FAAH2: variants seen among roughly 807,000 people sequenced by gnomAD.
FAAH2 encodes fatty-acid amide hydrolase 2.
Under a neutral mutation model 36.9 loss-of-function variants are expected in FAAH2, and 60 were observed. The observed-to-expected ratio is 1.63, with a 90% CI of 1.32 to 2.02. FAAH2 has a LOEUF of 2.02. Ranked by LOEUF, FAAH2 falls within the 30% of genes most tolerant of loss-of-function variation. FAAH2 has a pLI of 0.00. For missense variants in FAAH2, 689 were observed against 397.5 expected (o/e 1.73, Z -6.23); for synonymous variants, 214 against 143.8 (o/e 1.49, Z -3.49).
chrX:57,122,266 T>C, the FAAH2 span, among the ~76,000 whole-genome samples: 2 of 112,025 alleles, frequency 1.8e-5, no homozygotes, highest in African/African-American at 6.5e-5. Flanking sequence ...AATTCATGTC[T>C]ATTAATTTTT....
At chrX:57,224,471 C>T in the FAAH2 span, among the ~76,000 whole-genome samples, 1 of 111,300 alleles carries the variant, frequency 9.0e-6, no homozygotes, top group South Asian at 3.8e-4. Context: ...GGCCTGAAAG[C>T]TTAAGGAGAT....
intron 2 of FAAH2, among the ~76,000 whole-genome samples, chrX:57,308,780 C>T (rs755500834): frequency 1.3e-4 from 14 of 111,224 alleles, no homozygotes; most frequent in Non-Finnish European, 2.5e-4. Flanking sequence ...TAGAAACTTC[C>T]AACAGTTCTT....
chrX:57,232,736 A>C, the FAAH2 span, among the ~76,000 whole-genome samples: 1 of 112,149 alleles, frequency 8.9e-6, no homozygotes, highest in Non-Finnish European at 1.9e-5. Flanking sequence ...GTTTTCTTCT[A>C]ACTCTTAGAA....
intron 3 of FAAH2, among the ~76,000 whole-genome samples, chrX:57,331,050 G>A (rs764995222): frequency 9.0e-6 from 1 of 111,027 alleles, no homozygotes; most frequent in Non-Finnish European, 1.9e-5. Flanking sequence ...CAGATTTCAG[G>A]TCTGACAGTT....
the FAAH2 span, among the ~76,000 whole-genome samples, chrX:57,178,445 G>T: frequency 9.0e-6 from 1 of 111,658 alleles, no homozygotes; most frequent in Admixed American, 9.5e-5. Flanking sequence ...AGTGGTATTT[G>T]TTCTTGTTCT....
At chrX:57,458,927 T>G (rs1054356932) in intron 10 of FAAH2, among the ~76,000 whole-genome samples, 2 of 111,949 alleles carry the variant, frequency 1.8e-5, no homozygotes, top group African/African-American at 6.5e-5. Context: ...CAAGAGTTGT[T>G]TTCTTGTTGT....
chrX:57,286,194 T>C (rs1218579697), upstream of FAAH2, among the ~76,000 whole-genome samples: 1 of 111,894 alleles, frequency 8.9e-6, no homozygotes, highest in Non-Finnish European at 1.9e-5. Flanking sequence ...GGGCTGGAGA[T>C]TTGATGTTCA....
intron 10 of FAAH2, among the ~76,000 whole-genome samples, chrX:57,460,131 A>G (rs1361274517): frequency 3.6e-5 from 4 of 111,751 alleles, no homozygotes; most frequent in Non-Finnish European, 5.6e-5. Context: ...AGGAATGAAA[A>G]AAGCCTTCAA....
At chrX:57,370,412 C>T (rs2054521587) in intron 5 of FAAH2, among the ~76,000 whole-genome samples, 1 of 111,193 alleles carries the variant, frequency 9.0e-6, no homozygotes, top group Non-Finnish European at 1.9e-5. Context: ...AAAGTTGATT[C>T]AGCAAAAGGA....
At chrX:57,182,242 C>T in the FAAH2 span, among the ~76,000 whole-genome samples, 34 of 111,931 alleles carry the variant, frequency 3.0e-4, no homozygotes, top group Non-Finnish European at 5.7e-4. Flanking sequence ...CAAATTAGAT[C>T]GAAAGAGCTT....
At chrX:57,164,395 T>G in the FAAH2 span, among the ~76,000 whole-genome samples, 1 of 112,333 alleles carries the variant, frequency 8.9e-6, no homozygotes, top group East Asian at 2.8e-4. Context: ...CTCAACAAAA[T>G]GCATTCATAA....
At chrX:57,245,245 C>T in the FAAH2 span, among the ~76,000 whole-genome samples, 2 of 111,529 alleles carry the variant, frequency 1.8e-5, no homozygotes, top group Non-Finnish European at 3.8e-5. Flanking sequence ...TTCTTAGAGA[C>T]CTACAAAGAA....
chrX:57,242,756 G>A, the FAAH2 span, among the ~76,000 whole-genome samples: 1 of 112,299 alleles, frequency 8.9e-6, no homozygotes, highest in Admixed American at 9.4e-5. Context: ...CATGGTCTTT[G>A]CAACCCACAG....
chrX:57,428,935 TAAAC>T (rs1374008243), intron 7 of FAAH2, among the ~76,000 whole-genome samples: 1 of 111,566 alleles, frequency 9.0e-6, no homozygotes, highest in African/African-American at 3.2e-5. Context: ...ATCAACAAAA[TAAAC>T]AGACAACGTG....
intron 10 of FAAH2, among the ~76,000 whole-genome samples, chrX:57,469,561 C>G (rs917335915): frequency 8.9e-6 from 1 of 111,907 alleles, no homozygotes. Flanking sequence ...ATCCTAAATA[C>G]ATCTGCACCC....
chrX:57,271,718 A>T, the FAAH2 span, among the ~76,000 whole-genome samples: 2 of 111,510 alleles, frequency 1.8e-5, no homozygotes, highest in African/African-American at 6.5e-5. Flanking sequence ...GGAATAGCAC[A>T]TCCACTCAAA....
At chrX:57,440,859 T>C (rs1346610319) in intron 8 of FAAH2, among the ~76,000 whole-genome samples, 2 of 111,755 alleles carry the variant, frequency 1.8e-5, no homozygotes, top group Non-Finnish European at 3.8e-5. Context: ...ATTGAGATAA[T>C]CATGTGTTTT....
chrX:57,273,701 C>CTT, the FAAH2 span, among the ~76,000 whole-genome samples: 1 of 111,659 alleles, frequency 9.0e-6, no homozygotes, highest in African/African-American at 3.3e-5. Flanking sequence ...TAAAGACGTT[C>CTT]TTTGAAACCA....
intron 9 of FAAH2, among the ~76,000 whole-genome samples, chrX:57,447,778 A>G (rs1312740628): frequency 9.0e-6 from 1 of 111,364 alleles, no homozygotes; most frequent in Non-Finnish European, 1.9e-5. Flanking sequence ...TGGTCCATGA[A>G]ACCATTTTTT....
Sources: allele counts gnomAD v4.1 joint callset (sites outside exome capture counted in the v4.1 genomes callset), GRCh38; gene constraint gnomAD v4.1.1; transcripts MANE v1.5; gene names NCBI Gene and HGNC (gene_info 2026-07-23, HGNC 2026-07-21).